Variants in DPYD observed in about 807,000 individuals in gnomAD.
The protein encoded by DPYD is dihydropyrimidine dehydrogenase.
Under a neutral mutation model 116.2 loss-of-function variants are expected in DPYD, and 109 were observed. The ratio of observed to expected loss-of-function variants is 0.94; its 90% CI spans 0.80 to 1.10. DPYD has a LOEUF of 1.10. Ranked by LOEUF, DPYD falls within the 50% of genes least tolerant of loss-of-function variation. The probability of loss-of-function intolerance (pLI) is 0.00; values close to 1 mark genes in which losing one functional copy is unlikely to be tolerated. For synonymous variants in DPYD, 440 were observed against 432.0 expected, an observed-to-expected ratio of 1.02 and a Z score of -0.23; for missense variants, 1,302 against 1,254.5, an observed-to-expected ratio of 1.04 and a Z score of -0.57.
intron 1 of DPYD, among the ~76,000 whole-genome samples, chr1:97,918,285 T>C (rs1229364931): frequency 6.6e-6 from 1 of 152,206 alleles, no homozygotes; most frequent in African/African-American, 2.4e-5. Flanking sequence ...AGATTTTCCA[T>C]GTGCAATTCA....
chr1:97,605,945 T>C (rs951883867), intron 8 of DPYD, among the ~76,000 whole-genome samples: 11 of 152,122 alleles, frequency 7.2e-5, no homozygotes, highest in African/African-American at 2.7e-4. Context: ...CAATGAAAAC[T>C]ATGGACACTT....
chr1:97,114,535 T>C (rs1651830040), intron 20 of DPYD, among the ~76,000 whole-genome samples: 1 of 152,158 alleles, frequency 6.6e-6, no homozygotes, highest in South Asian at 2.1e-4. Context: ...ATTTGAAAGG[T>C]TGACAGACTT....
chr1:97,783,802 C>T (rs890397318), intron 3 of DPYD, among the ~76,000 whole-genome samples: 11 of 152,202 alleles, frequency 7.2e-5, no homozygotes, highest in African/African-American at 2.7e-4. Context: ...CAGAGAAAGG[C>T]TACACCTTTC....
intron 4 of DPYD, 52 bp from the exon 5 acceptor site, chr1:97,721,723 CA>C: frequency 6.5e-7 from 1 of 1,540,590 alleles, no homozygotes; most frequent in Non-Finnish European, 8.9e-7. Flanking sequence ...ATACTTTAAA[CA>C]GCCAAATTAC....
Position 97,828,229 on chromosome 1 carries a change from T to C in DPYD, c.151-33A>G. The stretch of plus-strand genomic sequence containing the variant: ...ATATTTAAAAATTGCATTAATTCTC[T>C]AAGATCCTGAGAAAAATTGTATCTA... On this transcript the variant is annotated intron_variant, in intron 2 of 22. Coordinates refer to ENST00000370192, the MANE Select transcript of DPYD (RefSeq NM_000110.4). The C allele has an allele frequency of 1.9e-6, 3 of 1,596,940 alleles. No homozygotes were observed. In the South Asian group the frequency reaches 3.3e-5, roughly 18 times the overall value.
chr1:97,109,983 C>T (rs1213320382), intron 20 of DPYD, among the ~76,000 whole-genome samples: 1 of 152,010 alleles, frequency 6.6e-6, no homozygotes, highest in Non-Finnish European at 1.5e-5. Flanking sequence ...CTACAGAATA[C>T]AGTAACAAAC....
At chr1:97,671,067 T>C (rs1659835597) in intron 8 of DPYD, among the ~76,000 whole-genome samples, 1 of 152,068 alleles carries the variant, frequency 6.6e-6, no homozygotes, top group Non-Finnish European at 1.5e-5. Context: ...ATTTGTGTTT[T>C]ATAAAAGGTT....
At position 97,098,475 on chromosome 1, in the gene DPYD, G is replaced by A. The variant is rs768507059; in HGVS notation, c.2766+14C>T. On this transcript the variant is annotated intron_variant, in intron 21 of 22. Coordinates refer to ENST00000370192, the MANE Select transcript of DPYD (RefSeq NM_000110.4). ...GTAAAGTAGGCATACTTATATAGTT[G>A]GCATAATTTTTACCTTGATGGTAGG... is the stretch of plus-strand genomic sequence containing the variant. 28 of 1,610,882 alleles carry A rather than the reference G, an allele frequency of 1.7e-5. 1 individual carries two copies. The South Asian group carries it at 2.9e-4, about 16-fold the overall frequency.
At chr1:97,211,938 T>C (rs1660058457) in intron 19 of DPYD, among the ~76,000 whole-genome samples, 1 of 152,146 alleles carries the variant, frequency 6.6e-6, no homozygotes, top group South Asian at 2.1e-4. Context: ...AAATCCCCCT[T>C]ACTTGCCTAC....
chr1:97,230,444 G>A (rs759506318), intron 19 of DPYD, among the ~76,000 whole-genome samples: 3 of 152,068 alleles, frequency 2.0e-5, no homozygotes, highest in Non-Finnish European at 4.4e-5. Flanking sequence ...GAGAACACAT[G>A]AACACATAGA....
chr1:97,465,479 G>C (rs1157561367), intron 13 of DPYD, among the ~76,000 whole-genome samples: 1 of 152,148 alleles, frequency 6.6e-6, no homozygotes, highest in Admixed American at 6.5e-5. Flanking sequence ...TGTGTTGTGG[G>C]AGGGACCCTG....
chr1:97,421,661 C>T lies in DPYD; in HGVS notation c.1905+28398G>A, dbSNP rs555764274. ...AGCTGCTTATCAATATGGATCAGTA[C>T]TGTGGCCCAAGGTGAGACACAGGCA... On this transcript the variant is annotated intron_variant, in intron 14 of 22. Coordinates refer to ENST00000370192, the MANE Select transcript of DPYD (RefSeq NM_000110.4). 2.6e-4 allele frequency among the ~76,000 whole-genome samples: 39 copies of T among 152,262 alleles called. No homozygotes were observed. In the South Asian group the frequency reaches 6.4e-3, roughly 25 times the overall value.
intron 3 of DPYD, among the ~76,000 whole-genome samples, chr1:97,742,042 A>C (rs1275017127): frequency 6.6e-6 from 1 of 152,062 alleles, no homozygotes; most frequent in East Asian, 1.9e-4. Flanking sequence ...TGAACTAATG[A>C]ATTTGGTCTA....
intron 10 of DPYD, among the ~76,000 whole-genome samples, chr1:97,579,443 T>C (rs1169597240): frequency 6.6e-6 from 1 of 152,210 alleles, no homozygotes; most frequent in Non-Finnish European, 1.5e-5. Flanking sequence ...CAGATCATCC[T>C]ATGTTGCGAG....
chr1:97,687,726 A>G (rs1051896612), intron 7 of DPYD, among the ~76,000 whole-genome samples: 5 of 152,212 alleles, frequency 3.3e-5, no homozygotes, highest in Non-Finnish European at 5.9e-5. Flanking sequence ...GGAATCAACC[A>G]AAATGCCCAT....
At chr1:97,120,461 G>A (rs1457656261) in intron 20 of DPYD, among the ~76,000 whole-genome samples, 6 of 151,984 alleles carry the variant, frequency 3.9e-5, no homozygotes, top group Admixed American at 3.3e-4. Flanking sequence ...GTCTCTTAGC[G>A]GACGACAGAG....
intron 16 of DPYD, among the ~76,000 whole-genome samples, chr1:97,370,000 T>A (rs1433914689): frequency 6.6e-6 from 1 of 152,210 alleles, no homozygotes; most frequent in East Asian, 1.9e-4. Context: ...AACAGCAACA[T>A]ATTTTCTTTA....
intron 20 of DPYD, among the ~76,000 whole-genome samples, chr1:97,139,630 G>T (rs907671094): frequency 2.6e-5 from 4 of 152,038 alleles, no homozygotes; most frequent in African/African-American, 4.8e-5. Flanking sequence ...AGACTGAAAA[G>T]ATTTTTTATG....
intron 3 of DPYD, among the ~76,000 whole-genome samples, chr1:97,779,781 G>A (rs1167195903): frequency 1.3e-5 from 2 of 151,878 alleles, no homozygotes; most frequent in Admixed American, 6.6e-5. Flanking sequence ...TGGCCTGGTA[G>A]TACCATTTAC....
Sources: gnomAD v4.1 joint callset for allele counts (sites outside exome capture counted in the v4.1 genomes callset) on GRCh38, gnomAD v4.1.1 for gene constraint, MANE v1.5 for transcripts, NCBI Gene and HGNC (gene_info 2026-07-23, HGNC 2026-07-21) for gene names.